CHCHD7: variants seen among roughly 807,000 people sequenced by gnomAD.
CHCHD7 encodes the protein coiled-coil-helix-coiled-coil-helix domain-containing protein 7.
Under a neutral mutation model 10.5 loss-of-function variants are expected in CHCHD7, and 7 were observed. The observed-to-expected ratio is 0.67, with a 90% CI of 0.38 to 1.25. The LOEUF (loss-of-function observed/expected upper bound fraction) is 1.25, where lower values mean the gene tolerates loss of function less well. Among genes scored for constraint, CHCHD7 ranks in the 50% most tolerant of loss-of-function variants. The pLI, the probability that CHCHD7 is intolerant of heterozygous loss-of-function variation, is 0.02. For missense variants in CHCHD7, 100 were observed against 104.5 expected (o/e 0.96, Z 0.19); for synonymous variants, 40 against 36.0 (o/e 1.11, Z -0.40).
rs1046613405 is a variant in CHCHD7 at position 56,218,479 on chromosome 8, C to G, written c.*1044C>G. ...CTTTTGTCCCTTCTCTTCATCTGGT[C>G]TTGGGTCAAGAACATTGTTTTAATG... On this transcript the variant is annotated 3_prime_UTR_variant, in exon 4 of 4. Coordinates refer to ENST00000355315, the MANE Select transcript of CHCHD7 (RefSeq NM_001011671.3). 10 of 214,432 alleles carry G rather than the reference C, an allele frequency of 4.7e-5. No individual in the cohort carries two copies. In the East Asian group the frequency reaches 5.6e-4, roughly 12 times the overall value. 13.3% of individuals were successfully genotyped at this position (214,432 alleles called of 1,614,324 possible). A position where few individuals can be genotyped will look rare whatever the true frequency, so the allele number is the denominator to read the frequency against.
chr8:56,214,792 C>T, intron 2 of CHCHD7, 125 bp downstream of exon 2: 2 of 640,686 alleles, frequency 3.1e-6, no homozygotes, highest in Non-Finnish European at 5.5e-6. Context: ...TATTGTTGGC[C>T]AGCATATCCT....
At chr8:56,216,271 A>C in intron 2 of CHCHD7, 162 bp from the exon 3 acceptor site, 1 of 1,075,746 alleles carries the variant, frequency 9.3e-7, no homozygotes. Context: ...ATACTGGGAT[A>C]GCTGGCGAGA....
intron 3 of CHCHD7, 70 bp downstream of exon 3, chr8:56,216,601 T>C: frequency 6.6e-7 from 1 of 1,508,826 alleles, no homozygotes; most frequent in Non-Finnish European, 9.2e-7. Flanking sequence ...CTAAAATTAG[T>C]CAGTACCCAC....
rs532869560 is a variant in CHCHD7, at chr8:56,213,884, G to A, written c.-16-714G>A. The A allele has an allele frequency of 4.6e-5, 7 of 152,302 alleles. No homozygotes were observed. In the South Asian group the frequency reaches 1.2e-3, roughly 27 times the overall value. The allele number at this position is 152,302 out of a possible 1,614,324, so 9.4% of individuals were successfully genotyped here. On this transcript the variant is annotated intron_variant, in intron 1 of 3. Transcript: ENST00000355315. Reference sequence around the variant, plus strand: ...TATTGGCCATAAAATAGGCACTCTGGTACTTCAGTTGATGAATGTTTTTGC... The same window carrying A: ...TATTGGCCATAAAATAGGCACTCTGATACTTCAGTTGATGAATGTTTTTGC...
At chr8:56,216,206 A>G (rs1813334225) in intron 2 of CHCHD7, among the ~76,000 whole-genome samples, 1 of 152,252 alleles carries the variant, frequency 6.6e-6, no homozygotes, top group Non-Finnish European at 1.5e-5. Context: ...GTGATCACAT[A>G]TTCAGAAAAC....
At chr8:56,212,748 CTCT>C in intron 1 of CHCHD7, 1 of 744,372 alleles carries the variant, frequency 1.3e-6, no homozygotes, top group Non-Finnish European at 2.4e-6. Context: ...TTGACATTTC[CTCT>C]TCAATTCCAG....
intron 1 of CHCHD7, 126 bp from the exon 2 acceptor site, chr8:56,214,472 T>G: frequency 1.6e-6 from 1 of 621,706 alleles, no homozygotes; most frequent in Non-Finnish European, 2.9e-6. Flanking sequence ...AGAGAATACA[T>G]GAAGTTCCTC....
chr8:56,214,525 T>C (rs1421189171), intron 1 of CHCHD7, 73 bp from the exon 2 acceptor site: 3 of 1,086,274 alleles, frequency 2.8e-6, no homozygotes, highest in African/African-American at 3.2e-5. Context: ...CAGGTACTTT[T>C]AGTGCTATTG....
chr8:56,216,477 C>T lies in CHCHD7; in HGVS notation c.99C>T (p.Asp33=). The T allele has an allele frequency of 6.2e-7, 1 of 1,614,124 alleles. No homozygotes were observed. ...GATGTCTGGATGAAAATAACTATGACAGGGAAAGGTGTTCCACTTACTTCT... is the reference window on the plus strand; with the variant it reads ...GATGTCTGGATGAAAATAACTATGATAGGGAAAGGTGTTCCACTTACTTCT... The part of the protein sequence containing the change: ...STRCLDENNY[D]RERCSTYFLR... Residue 33 remains aspartate (D), a synonymous_variant, in exon 3 of 4, where the codon GAC becomes GAT. Transcript: ENST00000355315.
chr8:56,214,816 A>G, intron 2 of CHCHD7, 149 bp downstream of exon 2: 2 of 542,276 alleles, frequency 3.7e-6, no homozygotes, highest in Admixed American at 3.1e-5. Flanking sequence ...TAACTAGAGC[A>G]TTTTTAGATG....
intron 3 of CHCHD7, 55 bp from the exon 4 acceptor site, chr8:56,217,276 T>A (rs1414228194): frequency 5.7e-6 from 6 of 1,046,164 alleles, no homozygotes; most frequent in Non-Finnish European, 8.7e-6. Context: ...ATGATTAGCA[T>A]TTAATACATG....
At chr8:56,212,940 A>G (rs1813102169) in intron 1 of CHCHD7, 1 of 1,381,022 alleles carries the variant, frequency 7.2e-7, no homozygotes, top group Middle Eastern at 1.8e-4. Flanking sequence ...CTGACTGACA[A>G]TAAAATATAG....
chr8:56,217,498 C>T lies in CHCHD7; in HGVS notation c.*63C>T. 2.9e-6 allele frequency: 3 copies of T among 1,035,756 alleles called. No homozygotes were observed. The highest frequency in any genetic ancestry group is 4.5e-6 in the Non-Finnish European group (3 of 668,090). The allele number at this position is 1,035,756 out of a possible 1,614,324, so 64.2% of individuals were successfully genotyped here. ...GATGAATATTTCTAATAAATGATTGCTGTAATATTTAAGACTGTACACCCC... is the reference window on the plus strand; with the variant it reads ...GATGAATATTTCTAATAAATGATTGTTGTAATATTTAAGACTGTACACCCC... On this transcript the variant is annotated 3_prime_UTR_variant, in exon 4 of 4. Coordinates refer to ENST00000355315, the MANE Select transcript of CHCHD7 (RefSeq NM_001011671.3).
intron 2 of CHCHD7, 123 bp downstream of exon 2, chr8:56,214,790 G>A (rs1813246865): frequency 3.0e-6 from 2 of 657,630 alleles, no homozygotes; most frequent in South Asian, 2.0e-5. Flanking sequence ...AATATTGTTG[G>A]CCAGCATATC....
In CHCHD7 at chr8:56,218,119, A is replaced by G. The variant is rs1216308879; in HGVS notation, c.*684A>G. 4 of 227,898 alleles carry G rather than the reference A, an allele frequency of 1.8e-5. No homozygotes were observed. Among genetic ancestry groups the G allele is most frequent in the Non-Finnish European group, 3.5e-5 (4 of 114,870 alleles). 14.1% of individuals were successfully genotyped at this position (227,898 alleles called of 1,614,324 possible). On this transcript the variant is annotated 3_prime_UTR_variant, in exon 4 of 4. Transcript: ENST00000355315. ...GATTCTGTGATTAAAATCCTTAAAT[A>G]TTGGGTTGCCTTCTGCAGCTGTAGT...
intron 3 of CHCHD7, chr8:56,216,801 C>T (rs1209713075): frequency 7.3e-6 from 5 of 688,368 alleles, no homozygotes; most frequent in Non-Finnish European, 1.3e-5. Context: ...AAAACAATGT[C>T]TTTGTTATAA....
At chr8:56,212,968 T>C in intron 1 of CHCHD7, 2 of 1,080,394 alleles carry the variant, frequency 1.9e-6, no homozygotes, top group Non-Finnish European at 2.8e-6. Flanking sequence ...TACTTTCATG[T>C]AAGGCACGAA....
At chr8:56,213,833 G>T (rs1302651202) in intron 1 of CHCHD7, 2 of 152,180 alleles carry the variant, frequency 1.3e-5, no homozygotes, top group East Asian at 1.9e-4. Flanking sequence ...CAATAACTTG[G>T]CTTTTTGGTG....
chr8:56,214,852 A>G, intron 2 of CHCHD7, 185 bp downstream of exon 2: 1 of 490,784 alleles, frequency 2.0e-6, no homozygotes. Context: ...ACAAACATTC[A>G]TCTTTTCTTT....
Sources: allele counts gnomAD v4.1 joint callset (sites outside exome capture counted in the v4.1 genomes callset), GRCh38; gene constraint gnomAD v4.1.1; transcripts MANE v1.5; gene names NCBI Gene and HGNC (gene_info 2026-07-23, HGNC 2026-07-21).